The following AGK variants were observed in gnomAD, a reference collection of about 807,000 sequenced individuals.
The protein encoded by AGK is acylglycerol kinase, also known as acylglycerol kinase, mitochondrial.
Under a neutral mutation model 66.4 loss-of-function variants are expected in AGK, and 52 were observed. The observed-to-expected ratio is 0.78, with a 90% CI of 0.63 to 0.99. AGK has a LOEUF of 0.99. AGK is among the 50% of genes least tolerant of loss of function. AGK has a pLI of 0.00. For missense variants in AGK, 451 were observed against 506.6 expected (o/e 0.89, Z 1.05); for synonymous variants, 182 against 181.1 (o/e 1.00, Z -0.04).
At position 141,635,526 on chromosome 7, in the gene AGK, C is replaced by A. The variant is rs545478725; in HGVS notation, c.669-1434C>A. On this transcript the variant is annotated intron_variant, in intron 10 of 15. Transcript: ENST00000649286. ...CTCATTAGTAGTAGCACAGTATCAA[C>A]CTGAATAATAATTTAGAATGTTTCT... 2.0e-5 allele frequency among the ~76,000 whole-genome samples: 3 copies of A among 152,234 alleles called. 1 individual carries two copies. The highest frequency in any genetic ancestry group is 4.1e-4 in the South Asian group (2 of 4,822).
In AGK at chr7:141,652,879, T is replaced by G. The variant is rs1272475884; in HGVS notation, c.1224T>G (p.Cys408Trp). 1.9e-6 allele frequency: 3 copies of G among 1,613,850 alleles called. No homozygotes were observed. The highest frequency in any genetic ancestry group is 1.3e-5 in the African/African-American group (1 of 74,850). ...KLLPRKLQFF[C>W]DPRKREQMLT... is the part of the protein sequence containing the mutation. The stretch of plus-strand genomic sequence containing the variant: ...TCCCCAGGAAGCTGCAGTTCTTCTG[T>G]GATCCTAGGAAGAGAGAACAGATGC... The change falls in exon 16 of 16, where the codon TGT becomes TGG. Residue 408 changes from cysteine to tryptophan, a missense_variant. Coordinates refer to ENST00000649286, the MANE Select transcript of AGK (RefSeq NM_018238.4).
At chr7:141,578,940 A>G (rs1479348690) in intron 2 of AGK, among the ~76,000 whole-genome samples, 1 of 151,806 alleles carries the variant, frequency 6.6e-6, no homozygotes, top group African/African-American at 2.4e-5. Context: ...GCACCAGGAG[A>G]TATCAGCTAT....
chr7:141,648,416 T>C (rs906469757), intron 13 of AGK, among the ~76,000 whole-genome samples: 1 of 152,238 alleles, frequency 6.6e-6, no homozygotes, highest in Non-Finnish European at 1.5e-5. Context: ...AAAGGTGAAC[T>C]TTCAAAGTCA....
intron 3 of AGK, among the ~76,000 whole-genome samples, chr7:141,596,321 C>G (rs1259983854): frequency 6.6e-6 from 1 of 151,988 alleles, no homozygotes; most frequent in Non-Finnish European, 1.5e-5. Context: ...TTATTTGCCT[C>G]TAGTAGATAA....
intron 4 of AGK, among the ~76,000 whole-genome samples, chr7:141,599,844 T>G (rs1267823967): frequency 6.6e-6 from 1 of 152,192 alleles, no homozygotes; most frequent in Non-Finnish European, 1.5e-5. Context: ...TAGAAAATAT[T>G]TAATTTGCTT....
intron 7 of AGK, among the ~76,000 whole-genome samples, chr7:141,615,062 C>T (rs1041528861): frequency 1.3e-5 from 2 of 152,196 alleles, no homozygotes; most frequent in African/African-American, 4.8e-5. Context: ...GTTTATAAAG[C>T]ACCTTCACCT....
At chr7:141,627,397 A>G (rs371147005) in intron 9 of AGK, among the ~76,000 whole-genome samples, 1 of 152,158 alleles carries the variant, frequency 6.6e-6, no homozygotes, top group African/African-American at 2.4e-5. Flanking sequence ...TGTACCAGCT[A>G]CTTTCAGGAT....
chr7:141,574,849 A>G (rs949669202), intron 2 of AGK, among the ~76,000 whole-genome samples: 3 of 152,190 alleles, frequency 2.0e-5, no homozygotes, highest in African/African-American at 7.2e-5. Flanking sequence ...GGATTTCTAT[A>G]CTTTATTTCA....
At chr7:141,614,043 G>GA in intron 6 of AGK, 103 bp from the exon 7 acceptor site, 2 of 816,648 alleles carry the variant, frequency 2.4e-6, no homozygotes, top group Non-Finnish European at 4.0e-6. Context: ...CTTCTAAGAA[G>GA]AAAACAGGAG....
chr7:141,593,454 C>G (rs954960881), intron 3 of AGK: 5 of 689,430 alleles, frequency 7.3e-6, no homozygotes, highest in Non-Finnish European at 1.3e-5. Flanking sequence ...GGTAGAAGCT[C>G]TGGGAATTTG....
chr7:141,595,353 A>G (rs928086987), intron 3 of AGK, among the ~76,000 whole-genome samples: 6 of 152,258 alleles, frequency 3.9e-5, no homozygotes, highest in Non-Finnish European at 5.9e-5. Flanking sequence ...GAGATTTAGC[A>G]GCAAAATGTT....
rs144977618 is a variant in AGK at position 141,633,966 on chromosome 7, C to T, written c.654C>T (p.Gly218=). 39 of 1,613,448 alleles carry T rather than the reference C, an allele frequency of 2.4e-5. No individual in the cohort carries two copies. Among genetic ancestry groups the T allele is most frequent in the African/African-American group, 6.7e-5 (5 of 74,858 alleles). ...GLRWGSFRDA[G]VKVSKYWYLG... is the part of the protein sequence containing the mutation. ...GATGGGGATCTTTCAGAGATGCTGGCGTCAAAGTTAGCAAGTAAAGGATTA... is the reference window on the plus strand; with the variant it reads ...GATGGGGATCTTTCAGAGATGCTGGTGTCAAAGTTAGCAAGTAAAGGATTA... The change falls in exon 10 of 16, where the codon GGC becomes GGT. Residue 218 remains glycine (G), a synonymous_variant. Transcript: ENST00000649286.
At position 141,641,332 on chromosome 7, in the gene AGK, C is replaced by G; in HGVS notation, c.811C>G (p.Gln271Glu). The G allele has an allele frequency of 6.2e-7, 1 of 1,613,936 alleles. No individual in the cohort carries two copies. Among genetic ancestry groups the G allele is most frequent in the Non-Finnish European group, 8.5e-7 (1 of 1,179,938 alleles). Residue 271 changes from glutamine to glutamate, a missense_variant, in exon 12 of 16, where the codon CAA becomes GAA. Coordinates refer to ENST00000649286, the MANE Select transcript of AGK (RefSeq NM_018238.4). ...PPNEPEETPVQRPSLYRRILR... is the reference protein window; with the variant it reads ...PPNEPEETPVERPSLYRRILR... ...CAATGAACCAGAGGAGACCCCTGTACAAAGGCCTTCTTTGTACAGGAGAAT... is the reference window on the plus strand; with the variant it reads ...CAATGAACCAGAGGAGACCCCTGTAGAAAGGCCTTCTTTGTACAGGAGAAT...
intron 5 of AGK, among the ~76,000 whole-genome samples, chr7:141,605,094 T>C (rs1796428860): frequency 6.6e-6 from 1 of 152,182 alleles, no homozygotes; most frequent in African/African-American, 2.4e-5. Context: ...AATATATGTA[T>C]GACAGTCCTG....
intron 13 of AGK, among the ~76,000 whole-genome samples, chr7:141,648,595 A>G (rs115232774): frequency 0.018 from 2,672 of 152,254 alleles, 79 homozygotes; most frequent in African/African-American, 0.062. Flanking sequence ...AAGTTGTGGG[A>G]TTGATTTACA....
chr7:141,568,766 G>A (rs984293938), intron 2 of AGK, among the ~76,000 whole-genome samples: 5 of 151,820 alleles, frequency 3.3e-5, no homozygotes, highest in African/African-American at 9.7e-5. Context: ...AGTAGAGATG[G>A]GGTTTCACCA....
chr7:141,551,666 G>A (rs970070486), intron 1 of AGK, among the ~76,000 whole-genome samples: 5 of 152,200 alleles, frequency 3.3e-5, no homozygotes, highest in Non-Finnish European at 7.3e-5. Context: ...GCCTCGCGCG[G>A]ATCCCGTGGT....
intron 10 of AGK, among the ~76,000 whole-genome samples, chr7:141,636,516 G>A (rs34196724): frequency 0.035 from 5,378 of 152,286 alleles, 148 homozygotes; most frequent in South Asian, 0.14. Flanking sequence ...TGTATTAAGT[G>A]TTATAAGCAA....
chr7:141,639,455 C>G (rs1282107896), intron 11 of AGK, among the ~76,000 whole-genome samples: 2 of 152,120 alleles, frequency 1.3e-5, no homozygotes, highest in African/African-American at 4.8e-5. Flanking sequence ...ACTGAATTGG[C>G]AAAATCCAAG....
Sources: gnomAD v4.1 joint callset for allele counts (sites outside exome capture counted in the v4.1 genomes callset) on GRCh38, gnomAD v4.1.1 for gene constraint, MANE v1.5 for transcripts, NCBI Gene and HGNC (gene_info 2026-07-23, HGNC 2026-07-21) for gene names.